RIF1: variants seen among roughly 807,000 people sequenced by gnomAD.
RIF1 encodes the protein telomere-associated protein RIF1.
Under a neutral mutation model 247.1 loss-of-function variants are expected in RIF1, and 45 were observed. The observed-to-expected ratio is 0.18, with a 90% confidence interval of 0.14 to 0.23. RIF1 has a LOEUF of 0.23. Ranked by LOEUF, RIF1 falls within the 10% of genes least tolerant of loss-of-function variation. The pLI, the probability that RIF1 is intolerant of heterozygous loss-of-function variation, is 1.00. For missense variants in RIF1, 2,967 were observed against 2,862.5 expected (o/e 1.04, Z -0.83); for synonymous variants, 1,087 against 978.8 (o/e 1.11, Z -2.06).
rs376608697 is a variant in RIF1 at position 151,416,755 on chromosome 2, A to G, written c.409-52A>G. The G allele has an allele frequency of 1.4e-3, 2,165 of 1,601,546 alleles. 1 individual carries two copies. Among genetic ancestry groups the G allele is most frequent in the Non-Finnish European group, 1.8e-3 (2,079 of 1,175,704 alleles). ...ATTAAAAGAAAAAACTATAATGCCA[A>G]TAAAAACAGTTCAGGCTTATTTCAT... On this transcript the variant is annotated intron_variant, in intron 5 of 35. Coordinates refer to ENST00000444746, the MANE Select transcript of RIF1 (RefSeq NM_018151.5).
intron 9 of RIF1, chr2:151,492,133 T>C (rs773551698): frequency 1.9e-6 from 3 of 1,613,996 alleles, no homozygotes; most frequent in Non-Finnish European, 2.5e-6. Context: ...ATTCCGTTTT[T>C]GTTCCATTTC....
intron 4 of RIF1, among the ~76,000 whole-genome samples, chr2:151,415,973 T>C (rs1331046952): frequency 6.6e-6 from 1 of 152,218 alleles, no homozygotes; most frequent in African/African-American, 2.4e-5. Context: ...AATTGAAAAG[T>C]TCTTTGACAT....
At chr2:151,423,155 AT>A in intron 8 of RIF1, 113 bp downstream of exon 8, 1 of 636,730 alleles carries the variant, frequency 1.6e-6, no homozygotes, top group South Asian at 1.9e-5. Flanking sequence ...GCTGATGCTC[AT>A]TATTTCATGC....
At position 151,462,465 on chromosome 2, in the gene RIF1, C is replaced by T. The variant is rs771641146; in HGVS notation, c.3362C>T (p.Thr1121Met). 45 of 1,555,060 alleles carry T rather than the reference C, an allele frequency of 2.9e-5. No homozygotes were observed. The Admixed American group carries it at 3.4e-4, about 12-fold the overall frequency. ...AAGGAGGATTCTAAGATGATGATTACGGTATGTTTGACATTTCATATTTTG... is the reference window on the plus strand; with the variant it reads ...AAGGAGGATTCTAAGATGATGATTATGGTATGTTTGACATTTCATATTTTG... The part of the protein sequence containing the change: ...KPKEDSKMMI[T>M]EEQMDSDIVI... The change falls in exon 29 of 36, where the codon ACG becomes ATG. Residue 1121 changes from threonine to methionine, a missense_variant and splice_region_variant. Thr to Met is a moderately conservative substitution (Grantham distance 81). Transcript: ENST00000444746.
chr2:151,437,111 G>T lies in RIF1; in HGVS notation c.1372+108G>T, dbSNP rs537874806. 667 of 1,198,988 alleles carry T rather than the reference G, an allele frequency of 5.6e-4. 5 individuals are homozygous for T. The highest frequency in any genetic ancestry group is 5.1e-3 in the South Asian group (343 of 66,972). The allele number at this position is 1,198,988 out of a possible 1,614,324, so 74.3% of individuals were successfully genotyped here. ...GTCGCAGCCAAAATATTTTACAGTT[G>T]TGTATGAAATATGAATCTTTTTTTT... On this transcript the variant is annotated intron_variant, in intron 12 of 35. Coordinates refer to ENST00000444746, the MANE Select transcript of RIF1 (RefSeq NM_018151.5).
intron 22 of RIF1, among the ~76,000 whole-genome samples, chr2:151,455,636 T>A (rs1386532559): frequency 6.8e-6 from 1 of 146,548 alleles, no homozygotes; most frequent in Non-Finnish European, 1.5e-5. Flanking sequence ...TTAGATATTA[T>A]AAGGAATCTA....
intron 9 of RIF1, chr2:151,492,494 C>G (rs768906941): frequency 6.2e-7 from 1 of 1,606,344 alleles, no homozygotes; most frequent in Non-Finnish European, 8.5e-7. Flanking sequence ...GAATAAAGAA[C>G]CTGATGCAGG....
downstream of RIF1, among the ~76,000 whole-genome samples, chr2:151,482,877 C>G (rs991026255): frequency 6.6e-6 from 1 of 152,128 alleles, no homozygotes; most frequent in Non-Finnish European, 1.5e-5. Flanking sequence ...TACCTCTCCC[C>G]AGCTAGCTTG....
intron 10 of RIF1, chr2:151,496,157 T>TAAAG (rs1325253933): frequency 8.4e-7 from 1 of 1,185,228 alleles, no homozygotes; most frequent in Non-Finnish European, 1.2e-6. Context: ...GTAAATTTGC[T>TAAAG]AAAGAAATTT....
At chr2:151,417,855 A>G (rs952560053) in intron 6 of RIF1, among the ~76,000 whole-genome samples, 1 of 152,180 alleles carries the variant, frequency 6.6e-6, no homozygotes, top group African/African-American at 2.4e-5. Flanking sequence ...CCTACTATAT[A>G]CCCAGGCTGC....
chr2:151,434,409 T>C (rs1429260789), intron 10 of RIF1, among the ~76,000 whole-genome samples: 1 of 151,798 alleles, frequency 6.6e-6, no homozygotes, highest in East Asian at 1.9e-4. Flanking sequence ...TTGAGTTATT[T>C]GCAGTTATTT....
At chr2:151,534,250 G>A in the RIF1 span, 2 of 1,613,654 alleles carry the variant, frequency 1.2e-6, no homozygotes, top group Non-Finnish European at 1.7e-6. Flanking sequence ...TTAGCCAGCA[G>A]ATGTCTAGGC....
chr2:151,490,660 T>TA, intron 9 of RIF1: 1 of 1,000,614 alleles, frequency 1.0e-6, no homozygotes, highest in Non-Finnish European at 1.5e-6. Context: ...CCCTCACAGT[T>TA]ATTCTGATGT....
intron 12 of RIF1, chr2:151,503,224 T>A (rs529898558): frequency 2.8e-6 from 2 of 721,344 alleles, no homozygotes; most frequent in Non-Finnish European, 4.7e-6. Context: ...GGTCAGGTAA[T>A]AATACACAAC....
intron 21 of RIF1, among the ~76,000 whole-genome samples, chr2:151,452,013 A>C (rs753036614): frequency 5.9e-5 from 9 of 152,222 alleles, no homozygotes; most frequent in Non-Finnish European, 1.2e-4. Context: ...TACTCATTCC[A>C]TCTGGTATGA....
intron 6 of RIF1, among the ~76,000 whole-genome samples, chr2:151,418,312 C>T (rs1687563676): frequency 6.6e-6 from 1 of 152,162 alleles, no homozygotes; most frequent in Non-Finnish European, 1.5e-5. Flanking sequence ...TCAAGTAATT[C>T]TTGTGCCTCA....
At chr2:151,521,131 A>AC in the RIF1 span, among the ~76,000 whole-genome samples, 2 of 152,234 alleles carry the variant, frequency 1.3e-5, no homozygotes, top group Non-Finnish European at 2.9e-5. Context: ...TAACACCAGT[A>AC]CCCCTCATGG....
intron 10 of RIF1, chr2:151,496,354 T>G (rs1462319238): frequency 1.2e-6 from 2 of 1,609,792 alleles, no homozygotes; most frequent in African/African-American, 2.7e-5. Flanking sequence ...TGCCCATGTT[T>G]TCTTTGTATA....
intron 6 of RIF1, among the ~76,000 whole-genome samples, chr2:151,417,839 G>A (rs1171948081): frequency 1.3e-5 from 2 of 152,198 alleles, no homozygotes; most frequent in Admixed American, 6.5e-5. Flanking sequence ...AACCTAGGTG[G>A]AATAGCCTAC....
Sources: gnomAD v4.1 joint callset for allele counts (sites outside exome capture counted in the v4.1 genomes callset) on GRCh38, gnomAD v4.1.1 for gene constraint, MANE v1.5 for transcripts, NCBI Gene and HGNC (gene_info 2026-07-23, HGNC 2026-07-21) for gene names.